Variants in PRDM16 observed in about 807,000 individuals in gnomAD.
The protein encoded by PRDM16 is histone-lysine N-methyltransferase PRDM16.
A neutral mutation model predicts 110.6 loss-of-function variants in PRDM16; 23 were observed. That is an observed-to-expected ratio of 0.21 (90% CI 0.15 to 0.29). The LOEUF is 0.29. Ranked by LOEUF, PRDM16 falls within the 10% of genes least tolerant of loss-of-function variation. The pLI is 1.00. For missense variants in PRDM16, 1,615 were observed against 1,794.3 expected, an observed-to-expected ratio of 0.90 and a Z score of 1.81; for synonymous variants, 799 against 781.8, an observed-to-expected ratio of 1.02 and a Z score of -0.37.
intron 2 of PRDM16, among the ~76,000 whole-genome samples, chr1:3,217,530 G>A (rs1190987852): frequency 2.0e-5 from 3 of 152,232 alleles, no homozygotes; most frequent in Non-Finnish European, 4.4e-5. Context: ...GATCTCAAGA[G>A]TGCCTGGGAG....
At chr1:3,368,323 G>T (rs1470148528) in intron 3 of PRDM16, among the ~76,000 whole-genome samples, 1 of 152,186 alleles carries the variant, frequency 6.6e-6, no homozygotes, top group Non-Finnish European at 1.5e-5. Flanking sequence ...AGTTTGCGGG[G>T]GTCTTGGCCA....
intron 2 of PRDM16, among the ~76,000 whole-genome samples, chr1:3,219,169 C>T (rs1047218242): frequency 3.9e-5 from 6 of 152,246 alleles, no homozygotes; most frequent in Non-Finnish European, 8.8e-5. Flanking sequence ...AACCGAAAAC[C>T]GCATGCCGAC....
intron 8 of PRDM16, among the ~76,000 whole-genome samples, chr1:3,408,791 G>GT (rs1643610809): frequency 1.8e-5 from 2 of 110,234 alleles, no homozygotes; most frequent in African/African-American, 9.0e-5. Flanking sequence ...CGCGTGAGCC[G>GT]GTGCGTGTGT....
intron 1 of PRDM16, among the ~76,000 whole-genome samples, chr1:3,167,478 G>A (rs937056982): frequency 2.0e-5 from 3 of 152,022 alleles, no homozygotes; most frequent in African/African-American, 7.3e-5. Flanking sequence ...TGCAGCCGGG[G>A]CGAAGGGCCT....
rs184061819 is a variant in PRDM16, at chr1:3,224,200, C to T, written c.388-19887C>T. On this transcript the variant is annotated intron_variant, in intron 2 of 16. Coordinates refer to ENST00000270722, the MANE Select transcript of PRDM16 (RefSeq NM_022114.4). The stretch of plus-strand genomic sequence containing the variant: ...AGCAGGGCCGTGATGAATACCAAAT[C>T]TGCCAGGGAACACAATTAAATGCTG... 5.3e-5 allele frequency among the ~76,000 whole-genome samples: 8 copies of T among 152,302 alleles called. No homozygotes were observed. In the East Asian group the frequency reaches 9.6e-4, roughly 18 times the overall value.
At position 3,434,782 on chromosome 1, in the gene PRDM16, TC is replaced by T. The variant is rs1356734912; in HGVS notation, c.*974del. On this transcript the variant is annotated 3_prime_UTR_variant, in exon 17 of 17. Coordinates refer to ENST00000270722, the MANE Select transcript of PRDM16 (RefSeq NM_022114.4). ...GATGTGGCCGGGCACCCATCTTCCT[TC>T]CCTCCTCTGTCCCTGCCTCGGCCAC... The T allele has an allele frequency of 8.6e-6, 2 of 232,262 alleles. No individual in the cohort carries two copies. Among genetic ancestry groups the T allele is most frequent in the African/African-American group, 4.4e-5 (2 of 45,280 alleles). The allele number at this position is 232,262 out of a possible 1,614,324, so 14.4% of individuals were successfully genotyped here.
intron 12 of PRDM16, among the ~76,000 whole-genome samples, chr1:3,420,262 T>C (rs951600018): frequency 6.6e-6 from 1 of 152,210 alleles, no homozygotes; most frequent in African/African-American, 2.4e-5. Context: ...GCTTTCCTTT[T>C]GATACCACTG....
At chr1:3,074,266 A>C (rs1641839638) in intron 1 of PRDM16, among the ~76,000 whole-genome samples, 1 of 152,146 alleles carries the variant, frequency 6.6e-6, no homozygotes, top group African/African-American at 2.4e-5. Flanking sequence ...CCAGACGCAG[A>C]GAGGTGGAGG....
chr1:3,231,405 C>CCCCCCT (rs58929769), intron 2 of PRDM16, among the ~76,000 whole-genome samples: 1 of 150,528 alleles, frequency 6.6e-6, no homozygotes, highest in South Asian at 2.1e-4. Context: ...TCAAGGCCGT[C>CCCCCCT]TCCCCTTCTC....
At chr1:3,120,104 G>C (rs1036122190) in intron 1 of PRDM16, among the ~76,000 whole-genome samples, 1 of 152,240 alleles carries the variant, frequency 6.6e-6, no homozygotes, top group Non-Finnish European at 1.5e-5. Flanking sequence ...TTATCCCACA[G>C]GTGGCCCCTG....
intron 3 of PRDM16, among the ~76,000 whole-genome samples, chr1:3,294,812 G>T (rs575792298): frequency 6.6e-6 from 1 of 152,226 alleles, no homozygotes; most frequent in Non-Finnish European, 1.5e-5. Flanking sequence ...CTGATCACGG[G>T]CACGGCCAAT....
intron 1 of PRDM16, among the ~76,000 whole-genome samples, chr1:3,141,002 A>G (rs1643540382): frequency 6.6e-6 from 1 of 152,154 alleles, no homozygotes; most frequent in Non-Finnish European, 1.5e-5. Flanking sequence ...AGGAGTCCCC[A>G]TGTCCCTGGG....
At chr1:3,367,479 G>A (rs1323279890) in intron 3 of PRDM16, among the ~76,000 whole-genome samples, 1 of 152,182 alleles carries the variant, frequency 6.6e-6, no homozygotes, top group Non-Finnish European at 1.5e-5. Context: ...ACCCCTAGAT[G>A]CTACCTTTCA....
At chr1:3,282,317 G>A (rs1364393126) in intron 3 of PRDM16, among the ~76,000 whole-genome samples, 3 of 152,300 alleles carry the variant, frequency 2.0e-5, no homozygotes, top group East Asian at 1.9e-4. Context: ...TTAGCAGGGC[G>A]CTGCCTGTGT....
At chr1:3,176,349 C>T (rs1371884665) in intron 1 of PRDM16, among the ~76,000 whole-genome samples, 1 of 123,386 alleles carries the variant, frequency 8.1e-6, no homozygotes, top group Non-Finnish European at 1.9e-5. Flanking sequence ...CATTCATCCC[C>T]TGTTCTCCTG....
At chr1:3,323,779 C>A (rs1449631725) in intron 3 of PRDM16, among the ~76,000 whole-genome samples, 1 of 152,366 alleles carries the variant, frequency 6.6e-6, no homozygotes, top group East Asian at 1.9e-4. Context: ...AGGGCTTTTC[C>A]CCGAGTATTT....
At chr1:3,119,474 G>A (rs1643042702) in intron 1 of PRDM16, among the ~76,000 whole-genome samples, 1 of 152,208 alleles carries the variant, frequency 6.6e-6, no homozygotes, top group Non-Finnish European at 1.5e-5. Flanking sequence ...TGGGGGCTGA[G>A]TTTTCTAGTG....
chr1:3,131,694 A>T (rs1427335627), intron 1 of PRDM16, among the ~76,000 whole-genome samples: 1 of 152,226 alleles, frequency 6.6e-6, no homozygotes, highest in Non-Finnish European at 1.5e-5. Context: ...CTGCATGGTG[A>T]TAAGCTGAGG....
intron 3 of PRDM16, among the ~76,000 whole-genome samples, chr1:3,260,707 G>GCGGCGA (rs1557564043): frequency 4.8e-5 from 7 of 145,176 alleles, no homozygotes; most frequent in Non-Finnish European, 7.5e-5. Flanking sequence ...GATGGTGATG[G>GCGGCGA]TGGTGGGGTG....
Sources: gnomAD v4.1 joint callset for allele counts (sites outside exome capture counted in the v4.1 genomes callset) on GRCh38, gnomAD v4.1.1 for gene constraint, MANE v1.5 for transcripts, NCBI Gene and HGNC (gene_info 2026-07-23, HGNC 2026-07-21) for gene names.